FREM1: variants seen among roughly 807,000 people sequenced by gnomAD.
FREM1 encodes FRAS1-related extracellular matrix protein 1.
A neutral mutation model predicts 210.1 loss-of-function variants in FREM1; 220 were observed. That is an observed-to-expected ratio of 1.05 (90% confidence interval 0.94 to 1.17). The LOEUF is 1.17. Ranked by LOEUF, FREM1 falls within the 50% of genes most tolerant of loss-of-function variation. The pLI is 0.00. For missense variants in FREM1, 3,454 were observed against 2,675.5 expected, an observed-to-expected ratio of 1.29 and a Z score of -6.42; for synonymous variants, 1,189 against 980.2, an observed-to-expected ratio of 1.21 and a Z score of -3.98.
intron 1 of FREM1, among the ~76,000 whole-genome samples, chr9:14,908,559 A>C (rs1564218098): frequency 6.6e-6 from 1 of 152,214 alleles, no homozygotes; most frequent in Non-Finnish European, 1.5e-5. Context: ...CAAGAAAAAA[A>C]AAAGATGAGG....
chr9:14,845,463 C>T (rs1390181941), intron 8 of FREM1, among the ~76,000 whole-genome samples: 2 of 152,098 alleles, frequency 1.3e-5, no homozygotes, highest in East Asian at 3.9e-4. Flanking sequence ...CGCCACCATG[C>T]CCGGCTAATT....
intron 10 of FREM1, among the ~76,000 whole-genome samples, chr9:14,834,718 G>C (rs1824211816): frequency 6.6e-6 from 1 of 152,236 alleles, no homozygotes; most frequent in Middle Eastern, 3.4e-3. Flanking sequence ...TTAGTCACAT[G>C]AGATTGCCAA....
At chr9:14,862,218 C>T (rs933848454) in intron 3 of FREM1, among the ~76,000 whole-genome samples, 2 of 152,150 alleles carry the variant, frequency 1.3e-5, no homozygotes, top group Admixed American at 6.5e-5. Flanking sequence ...TCTGTGTATT[C>T]TCATCCTTTT....
chr9:14,784,011 A>C (rs937429215), intron 24 of FREM1, among the ~76,000 whole-genome samples: 1 of 152,066 alleles, frequency 6.6e-6, no homozygotes, highest in African/African-American at 2.4e-5. Flanking sequence ...AGCTTTTCAC[A>C]TTTCTCCTCG....
chr9:14,756,615 A>G (rs542046434), intron 28 of FREM1, among the ~76,000 whole-genome samples, 169 bp from the exon 29 acceptor site: 8 of 152,278 alleles, frequency 5.3e-5, no homozygotes, highest in Admixed American at 1.3e-4. Flanking sequence ...GGCAACATGC[A>G]TTTTCCTTAA....
At chr9:14,809,862 G>A (rs1819073920) in intron 16 of FREM1, among the ~76,000 whole-genome samples, 1 of 147,344 alleles carries the variant, frequency 6.8e-6, no homozygotes, top group African/African-American at 2.5e-5. Context: ...GAAATGCAGT[G>A]TGGTTAGAAT....
intron 23 of FREM1, among the ~76,000 whole-genome samples, chr9:14,786,940 G>A (rs1850517440): frequency 6.6e-6 from 1 of 152,186 alleles, no homozygotes; most frequent in African/African-American, 2.4e-5. Flanking sequence ...GACCTGAGGG[G>A]AGGAAGAGCA....
At chr9:14,815,891 G>C (rs1316220629) in intron 15 of FREM1, among the ~76,000 whole-genome samples, 1 of 152,138 alleles carries the variant, frequency 6.6e-6, no homozygotes, top group African/African-American at 2.4e-5. Flanking sequence ...CAAGTGATCA[G>C]CCTGCTTTGG....
chr9:14,833,221 G>C (rs1288405892), intron 10 of FREM1, among the ~76,000 whole-genome samples: 2 of 152,148 alleles, frequency 1.3e-5, no homozygotes, highest in Non-Finnish European at 2.9e-5. Context: ...CTTAAGAGTG[G>C]TTTAGGGAGG....
chr9:14,871,481 C>T lies in FREM1; in HGVS notation c.-267-2237G>A, dbSNP rs563151313. On this transcript the variant is annotated intron_variant, in intron 1 of 36. Coordinates refer to ENST00000380880, the MANE Select transcript of FREM1 (RefSeq NM_001379081.2). ...TTGAGAAGTGTCTGTTCATATCCTT[C>T]GCCCACTTTTTGATGGGGTTGTTTG... Among the ~76,000 whole-genome samples the T allele has an allele frequency of 6.3e-3, 952 of 152,062 alleles. 4 individuals are homozygous for T. The highest frequency in any genetic ancestry group is 0.018 in the African/African-American group (765 of 41,488).
intron 27 of FREM1, among the ~76,000 whole-genome samples, chr9:14,760,899 G>T (rs1006982127): frequency 4.4e-5 from 2 of 45,618 alleles, no homozygotes; most frequent in Non-Finnish European, 9.4e-5. Context: ...CAGGATAAAA[G>T]ACACAAGCAA....
Position 14,836,127 on chromosome 9 carries a change from C to T in FREM1, c.1881+5320G>A, listed in dbSNP as rs143131733. Among the ~76,000 whole-genome samples, 3 of 152,292 alleles carry T rather than the reference C, an allele frequency of 2.0e-5. No individual in the cohort carries two copies. The highest frequency in any genetic ancestry group is 1.5e-5 in the Non-Finnish European group (1 of 68,030). ...AAATAAAACCAAGGAACTTCATAGA[C>T]CCCCAAAGGGGAGTTCTCTATCTTG... On this transcript the variant is annotated intron_variant, in intron 10 of 36. Coordinates refer to ENST00000380880, the MANE Select transcript of FREM1 (RefSeq NM_001379081.2). The surrounding 1 kb of genome is among the most constrained non-coding windows in gnomAD (Gnocchi z 4.9).
intron 1 of FREM1, among the ~76,000 whole-genome samples, chr9:14,869,873 G>C (rs1304049414): frequency 2.0e-5 from 3 of 152,290 alleles, no homozygotes; most frequent in Non-Finnish European, 4.4e-5. Flanking sequence ...AGGTGACATA[G>C]CTTCAGCACG....
At chr9:14,763,071 G>C (rs1402478411) in intron 27 of FREM1, among the ~76,000 whole-genome samples, 1 of 152,180 alleles carries the variant, frequency 6.6e-6, no homozygotes, top group African/African-American at 2.4e-5. Flanking sequence ...TCATTTTACA[G>C]TCAGAACTGT....
At chr9:14,869,411 A>G (rs1022399775) in intron 1 of FREM1, among the ~76,000 whole-genome samples, 167 bp from the exon 2 acceptor site, 2 of 152,226 alleles carry the variant, frequency 1.3e-5, no homozygotes, top group Non-Finnish European at 2.9e-5. Context: ...TGAAAGGCAA[A>G]GCAGCCATTT....
At chr9:14,874,366 A>T (rs528854042) in intron 1 of FREM1, among the ~76,000 whole-genome samples, 1 of 150,724 alleles carries the variant, frequency 6.6e-6, no homozygotes, top group East Asian at 1.9e-4. Context: ...TTGGGTGCAT[A>T]TATATTTAGG....
At chr9:14,877,144 C>G (rs1833907589) in intron 1 of FREM1, among the ~76,000 whole-genome samples, 1 of 152,126 alleles carries the variant, frequency 6.6e-6, no homozygotes, top group Non-Finnish European at 1.5e-5. Flanking sequence ...TGTTTTGTAT[C>G]TACACTCATT....
At chr9:14,895,493 T>G (rs934737126) in intron 1 of FREM1, among the ~76,000 whole-genome samples, 1 of 152,122 alleles carries the variant, frequency 6.6e-6, no homozygotes, top group Non-Finnish European at 1.5e-5. Flanking sequence ...AAAATCTGGA[T>G]CAATATTCTA....
chr9:14,771,899 C>G (rs6474857), intron 25 of FREM1, among the ~76,000 whole-genome samples: 11,965 of 152,104 alleles, frequency 0.079, 787 homozygotes, highest in African/African-American at 0.17. Context: ...GAATAGAATT[C>G]GAATATAATT....
Sources: gnomAD v4.1 joint callset for allele counts (sites outside exome capture counted in the v4.1 genomes callset) on GRCh38, gnomAD v4.1.1 for gene constraint, Gnocchi (gnomAD v3.1) non-coding constraint, MANE v1.5 for transcripts, NCBI Gene and HGNC (gene_info 2026-07-23, HGNC 2026-07-21) for gene names.